The following CCNO variants were observed in gnomAD, a reference collection of about 807,000 sequenced individuals.
CCNO encodes the protein cyclin-O.
A neutral mutation model predicts 23.9 loss-of-function variants in CCNO; 24 were observed. The ratio of observed to expected loss-of-function variants is 1.00; its 90% CI spans 0.73 to 1.41. The LOEUF (loss-of-function observed/expected upper bound fraction) is 1.41. Ranked by LOEUF, CCNO falls within the 40% of genes most tolerant of loss-of-function variation. CCNO has a pLI of 0.00. For missense variants in CCNO, 542 were observed against 476.2 expected, an observed-to-expected ratio of 1.14 and a Z score of -1.29; for synonymous variants, 241 against 225.7, an observed-to-expected ratio of 1.07 and a Z score of -0.61.
chr5:55,232,709 T>A, intron 1 of CCNO, 163 bp from the exon 2 acceptor site: 1 of 690,514 alleles, frequency 1.4e-6, no homozygotes, highest in South Asian at 1.8e-5. Flanking sequence ...TGGGCCGTGC[T>A]GAGCCGGAAC....
In CCNO at chr5:55,231,731, T is replaced by C; in HGVS notation, c.697A>G (p.Ile233Val). 16 of 1,576,678 alleles carry C rather than the reference T, an allele frequency of 1.0e-5. No individual in the cohort carries two copies. The highest frequency in any genetic ancestry group is 1.3e-5 in the Non-Finnish European group (15 of 1,161,718). ...KLHFTLGAPTISFFLEHFTHA... is the reference protein window; with the variant it reads ...KLHFTLGAPTVSFFLEHFTHA... The stretch of plus-strand genomic sequence containing the variant: ...GTGAAATGCTCCAGGAAGAAGCTAA[T>C]GGTGGGCGCACCCAGGGTGAAGTGC... The change falls in exon 3 of 3, where the codon ATT becomes GTT. Residue 233 changes from isoleucine to valine, a missense_variant. Coordinates refer to ENST00000282572, the MANE Select transcript of CCNO (RefSeq NM_021147.5).
At chr5:55,233,025 G>A (rs1745639508) in intron 1 of CCNO, 118 bp downstream of exon 1, 1 of 1,087,168 alleles carries the variant, frequency 9.2e-7, no homozygotes, top group African/African-American at 1.6e-5. Flanking sequence ...CTTCGACTCG[G>A]GGCGGGACCT....
In CCNO at chr5:55,231,367, G is replaced by C; in HGVS notation, c.*8C>G. 1 of 1,612,794 alleles carries C rather than the reference G, an allele frequency of 6.2e-7. No homozygotes were observed. On this transcript the variant is annotated 3_prime_UTR_variant, in exon 3 of 3. Transcript: ENST00000282572. ...GGCCAGGGACTAAAAGGAAACGAAG[G>C]ATCTGTTTTATTTCGAGCTCGGGGG...
intron 1 of CCNO, 63 bp from the exon 2 acceptor site, chr5:55,232,609 G>T: frequency 1.3e-6 from 2 of 1,510,040 alleles, no homozygotes; most frequent in South Asian, 1.1e-5. Context: ...CTGTGGAAGG[G>T]AAGGAAGGGC....
Position 55,233,551 on chromosome 5 carries a change from C to G in CCNO, c.-28G>C, listed in dbSNP as rs764613735. The G allele has an allele frequency of 6.7e-7, 1 of 1,501,418 alleles. No homozygotes were observed. Among genetic ancestry groups the G allele is most frequent in the Non-Finnish European group, 8.8e-7 (1 of 1,132,196 alleles). 93.0% of individuals were successfully genotyped at this position (1,501,418 alleles called of 1,614,324 possible). ...TGCGGCCGGGTGGCCGCTTTACTAC[C>G]TTCAACGCCCGGGCTGCGGCGGGCA... On this transcript the variant is annotated 5_prime_UTR_variant, in exon 1 of 3. Transcript: ENST00000282572.
Position 55,233,228 on chromosome 5 carries a change from C to T in CCNO, c.296G>A (p.Arg99His). The change falls in exon 1 of 3, where the codon CGC becomes CAC. Residue 99 changes from arginine (R) to histidine (H), a missense_variant. Physicochemically the swap from Arg to His is conservative, Grantham distance 29 (BLOSUM62 0). Coordinates refer to ENST00000282572, the MANE Select transcript of CCNO (RefSeq NM_021147.5). ...GGCGTAGCAGCTCTGGCCGTAGTCG[C>T]GGAAGGTCTGTAGATCTAGCTGCGC... ...PVAQLDLQTF[R>H]DYGQSCYAFR... is the part of the protein sequence containing the mutation. The T allele has an allele frequency of 6.3e-7, 1 of 1,578,442 alleles. No homozygotes were observed. Among genetic ancestry groups the T allele is most frequent in the Non-Finnish European group, 8.6e-7 (1 of 1,164,536 alleles).
At chr5:55,232,949 C>T (rs1745637316) in intron 1 of CCNO, 194 bp downstream of exon 1, 2 of 631,650 alleles carry the variant, frequency 3.2e-6, no homozygotes, top group Non-Finnish European at 5.4e-6. Flanking sequence ...TCCCTCAAGC[C>T]GTCTACGCCC....
chr5:55,233,466 C>A lies in CCNO; in HGVS notation c.58G>T (p.Asp20Tyr). ...GGGGCGCGAAGGTTCTGGTCGTTGT[C>A]CCGCCTCCCCGCTCGGGCGGCGGGG... ...SSPAARAGRRDNDQNLRAPVK... is the reference protein window; with the variant it reads ...SSPAARAGRRYNDQNLRAPVK... The change falls in exon 1 of 3, where the codon GAC (aspartate) becomes TAC (tyrosine). Residue 20 changes from aspartate (D) to tyrosine (Y), a missense_variant. Physicochemically the swap from Asp to Tyr is radical, Grantham distance 160. Transcript: ENST00000282572. The A allele has an allele frequency of 1.2e-6, 2 of 1,601,114 alleles. No individual in the cohort carries two copies.
chr5:55,231,894 G>A (rs1278577703), intron 2 of CCNO, 34 bp from the exon 3 acceptor site: 1 of 1,493,924 alleles, frequency 6.7e-7, no homozygotes, highest in Non-Finnish European at 8.9e-7. Context: ...CCCGCTTTGC[G>A]GCTTCCCGGG....
At position 55,232,368 on chromosome 5, in the gene CCNO, C is replaced by T. The variant is rs768844025; in HGVS notation, c.560G>A (p.Cys187Tyr). 1.9e-6 allele frequency: 3 copies of T among 1,613,590 alleles called. No homozygotes were observed. Among genetic ancestry groups the T allele is most frequent in the Non-Finnish European group, 2.5e-6 (3 of 1,179,956 alleles). Residue 187 changes from cysteine (C) to tyrosine (Y), a missense_variant, in exon 2 of 3, where the codon TGC (cysteine) becomes TAC (tyrosine). By Grantham distance (194) the Cys-to-Tyr change is radical (BLOSUM62 -2). Coordinates refer to ENST00000282572, the MANE Select transcript of CCNO (RefSeq NM_021147.5). ...GTTTGATACCCCAGGTACCTGTTTG[C>T]AAGCGATGAGCAAGGAGGTGACCCC... is the stretch of plus-strand genomic sequence containing the variant. ...LLGVTSLLIACKQVEVHPPRV... is the reference protein window; with the variant it reads ...LLGVTSLLIAYKQVEVHPPRV...
At chr5:55,232,838 G>C in intron 1 of CCNO, 2 of 589,830 alleles carry the variant, frequency 3.4e-6, no homozygotes, top group Non-Finnish European at 6.0e-6. Context: ...AGAAGCTCAG[G>C]GGTGTTAAAT....
chr5:55,232,389 A>AC lies in CCNO; in HGVS notation c.538dup (p.Val180GlyfsTer55), dbSNP rs774393276. 76 of 1,613,644 alleles carry AC rather than the reference A, an allele frequency of 4.7e-5. No homozygotes were observed. Among genetic ancestry groups the AC allele is most frequent in the Non-Finnish European group, 6.0e-5 (71 of 1,180,004 alleles). ...TTTGCAAGCGATGAGCAAGGAGGTG[A>AC]CCCCAAGCAGCTGGAAGCAGTCTGC... On this transcript the variant is annotated frameshift_variant, in exon 2 of 3. Coordinates refer to ENST00000282572, the MANE Select transcript of CCNO (RefSeq NM_021147.5). LOFTEE classifies it high-confidence loss of function.
intron 1 of CCNO, 62 bp from the exon 2 acceptor site, chr5:55,232,608 G>T: frequency 6.6e-7 from 1 of 1,510,610 alleles, no homozygotes; most frequent in Non-Finnish European, 9.2e-7. Flanking sequence ...ACTGTGGAAG[G>T]GAAGGAAGGG....
Position 55,233,240 on chromosome 5 carries a change from A to G in CCNO, c.284T>C (p.Leu95Pro). The G allele has an allele frequency of 6.3e-7, 1 of 1,582,830 alleles. No homozygotes were observed. Among genetic ancestry groups the G allele is most frequent in the Non-Finnish European group, 8.6e-7 (1 of 1,166,844 alleles). The stretch of plus-strand genomic sequence containing the variant: ...CTGGCCGTAGTCGCGGAAGGTCTGT[A>G]GATCTAGCTGCGCCACGGGCTGGGC... Reference protein sequence around the residue: ...GPAQPVAQLDLQTFRDYGQSC... With the variant: ...GPAQPVAQLDPQTFRDYGQSC... Residue 95 changes from leucine (L) to proline (P), a missense_variant, in exon 1 of 3, where the codon CTA (leucine) becomes CCA (proline). Coordinates refer to ENST00000282572, the MANE Select transcript of CCNO (RefSeq NM_021147.5).
chr5:55,232,043 TA>T (rs11424492), intron 2 of CCNO, among the ~76,000 whole-genome samples, 183 bp from the exon 3 acceptor site: 46 of 143,158 alleles, frequency 3.2e-4, no homozygotes, highest in Admixed American at 4.2e-4. Flanking sequence ...ACTGTCCAAC[TA>T]AAAAAAAAAA....
rs1745649704 is a variant in CCNO, at chr5:55,233,235, T to C, written c.289A>G (p.Thr97Ala). 1 of 1,579,798 alleles carries C rather than the reference T, an allele frequency of 6.3e-7. No individual in the cohort carries two copies. The highest frequency in any genetic ancestry group is 1.1e-5 in the South Asian group (1 of 87,172). The change falls in exon 1 of 3, where the codon ACC becomes GCC. Residue 97 changes from threonine to alanine, a missense_variant. Coordinates refer to ENST00000282572, the MANE Select transcript of CCNO (RefSeq NM_021147.5). ...AQPVAQLDLQ[T>A]FRDYGQSCYA... ...CAGCTCTGGCCGTAGTCGCGGAAGGTCTGTAGATCTAGCTGCGCCACGGGC... is the reference window on the plus strand; with the variant it reads ...CAGCTCTGGCCGTAGTCGCGGAAGGCCTGTAGATCTAGCTGCGCCACGGGC...
rs114847312 is a variant in CCNO at position 55,231,323 on chromosome 5, G to A, written c.*52C>T. The A allele has an allele frequency of 6.3e-7, 1 of 1,596,974 alleles. No homozygotes were observed. The highest frequency in any genetic ancestry group is 8.5e-7 in the Non-Finnish European group (1 of 1,170,334). ...CAGTACTGCACTCTTCTGAGGCTACGGGAGAGGTCCAGCAGCCGGGCCAGG... is the reference window on the plus strand; with the variant it reads ...CAGTACTGCACTCTTCTGAGGCTACAGGAGAGGTCCAGCAGCCGGGCCAGG... On this transcript the variant is annotated 3_prime_UTR_variant, in exon 3 of 3. Coordinates refer to ENST00000282572, the MANE Select transcript of CCNO (RefSeq NM_021147.5).
At chr5:55,232,064 A>G (rs936200049) in intron 2 of CCNO, among the ~76,000 whole-genome samples, 1 of 152,154 alleles carries the variant, frequency 6.6e-6, no homozygotes, top group African/African-American at 2.4e-5. Context: ...AGCTTGGGAA[A>G]TTTTGAAGGC....
rs991489280 is a variant in CCNO at position 55,231,875 on chromosome 5, G to A, written c.568-15C>T. On this transcript the variant is annotated splice_polypyrimidine_tract_variant and intron_variant, in intron 2 of 2. Coordinates refer to ENST00000282572, the MANE Select transcript of CCNO (RefSeq NM_021147.5). ...TGCACCTCCACCTGCAACACAGGGCGCACTCAACCCCGCTTTGCGGCTTCC... is the reference window on the plus strand; with the variant it reads ...TGCACCTCCACCTGCAACACAGGGCACACTCAACCCCGCTTTGCGGCTTCC... 3.3e-6 allele frequency: 5 copies of A among 1,521,258 alleles called. No homozygotes were observed. The highest frequency in any genetic ancestry group is 1.4e-5 in the African/African-American group (1 of 72,728). 94.2% of individuals were successfully genotyped at this position (1,521,258 alleles called of 1,614,324 possible).
Sources: gnomAD v4.1 joint callset for allele counts (sites outside exome capture counted in the v4.1 genomes callset) on GRCh38, gnomAD v4.1.1 for gene constraint, MANE v1.5 for transcripts, NCBI Gene and HGNC (gene_info 2026-07-23, HGNC 2026-07-21) for gene names.